The following DNAH12 variants were observed in gnomAD, a reference collection of about 807,000 sequenced individuals.
DNAH12 encodes the protein axonemal beta dynein heavy chain 12.
Under a neutral mutation model 371.5 loss-of-function variants are expected in DNAH12, and 285 were observed. The observed-to-expected ratio is 0.77, with a 90% CI of 0.70 to 0.85. DNAH12 has a LOEUF of 0.85. Ranked by LOEUF, DNAH12 falls within the 40% of genes least tolerant of loss-of-function variation. The pLI, the probability that DNAH12 is intolerant of heterozygous loss-of-function variation, is 0.00. For missense variants in DNAH12, 3,611 were observed against 3,689.4 expected, an observed-to-expected ratio of 0.98 and a Z score of 0.55; for synonymous variants, 1,200 against 1,213.0, an observed-to-expected ratio of 0.99 and a Z score of 0.22.
chr3:57,503,126 G>A (rs1216694916), intron 9 of DNAH12, among the ~76,000 whole-genome samples: 1 of 152,174 alleles, frequency 6.6e-6, no homozygotes, highest in Non-Finnish European at 1.5e-5. Context: ...AGTAGCACAT[G>A]CCTATTGTCC....
chr3:57,355,703 G>A (rs1459264186), intron 59 of DNAH12, among the ~76,000 whole-genome samples: 1 of 152,064 alleles, frequency 6.6e-6, no homozygotes, highest in Non-Finnish European at 1.5e-5. Context: ...ACATTTTTAT[G>A]TCAATTCTTT....
Position 57,429,736 on chromosome 3 carries a change from G to A in DNAH12, c.5019C>T (p.Pro1673=). ...TTGTTTCAAAGATGAGGCTCATTTG[G>A]GGGGACATCTGAATGATTTCTCCAC... ...LMSGEIIQMS[P]QMSLIFETMD... is the part of the protein sequence containing the mutation. The change falls in exon 33 of 74, where the codon CCC becomes CCT. Residue 1673 remains proline (P), a synonymous_variant. Transcript: ENST00000495027. 6.5e-7 allele frequency: 1 copy of A among 1,532,238 alleles called. No individual in the cohort carries two copies. The highest frequency in any genetic ancestry group is 8.8e-7 in the Non-Finnish European group (1 of 1,140,178). 94.9% of individuals were successfully genotyped at this position (1,532,238 alleles called of 1,614,324 possible). A position where few individuals can be genotyped will look rare whatever the true frequency, so the allele number is the denominator to read the frequency against.
At position 57,471,598 on chromosome 3, in the gene DNAH12, C is replaced by A; in HGVS notation, c.1785G>T (p.Glu595Asp). 6.5e-7 allele frequency: 1 copy of A among 1,531,664 alleles called. No homozygotes were observed. The highest frequency in any genetic ancestry group is 1.3e-5 in the South Asian group (1 of 79,828). 94.9% of individuals were successfully genotyped at this position (1,531,664 alleles called of 1,614,324 possible). A position where few individuals can be genotyped will look rare whatever the true frequency, so the allele number is the denominator to read the frequency against. The change falls in exon 15 of 74, where the codon GAG (glutamate) becomes GAT (aspartate). Residue 595 changes from glutamate (E) to aspartate (D), a missense_variant. By Grantham distance (45) the Glu-to-Asp change is conservative. Coordinates refer to ENST00000495027, the MANE Select transcript of DNAH12 (RefSeq NM_001366028.2). Reference sequence around the variant, plus strand: ...CATTTTCTTTTTTATGTTTAGCATTCTCAATTAGCTTTTTAAAAGACAATT... The same window carrying A: ...CATTTTCTTTTTTATGTTTAGCATTATCAATTAGCTTTTTAAAAGACAATT... Reference protein sequence around the residue: ...PIFDENDELIENAKHKKENEL... With the variant: ...PIFDENDELIDNAKHKKENEL...
Position 57,293,819 on chromosome 3 carries a change from T to C in DNAH12, c.11845A>G (p.Lys3949Glu), listed in dbSNP as rs374460116. The change falls in exon 74 of 74, where the codon AAG becomes GAG. Residue 3949 changes from lysine (K) to glutamate (E), a missense_variant. Lys to Glu is a moderately conservative substitution (Grantham distance 56, BLOSUM62 1). Transcript: ENST00000495027. ...TGACAAAGCAAAGCAACCCCGCGCTTGATCCAGTGCCGAGTAGGTTGGTCT... is the reference window on the plus strand; with the variant it reads ...TGACAAAGCAAAGCAACCCCGCGCTCGATCCAGTGCCGAGTAGGTTGGTCT... Reference protein sequence around the residue: ...KTDQPTRHWIKRGVALLCQLD... With the variant: ...KTDQPTRHWIERGVALLCQLD... 6.8e-5 allele frequency: 105 copies of C among 1,551,242 alleles called. No individual in the cohort carries two copies. In the African/African-American group the frequency reaches 1.2e-3, roughly 18 times the overall value.
chr3:57,530,948 C>A, intron 2 of DNAH12: 1 of 156,080 alleles, frequency 6.4e-6, no homozygotes, highest in South Asian at 1.8e-4. Flanking sequence ...GCACTTGTGC[C>A]AGTTGTCACG....
intron 35 of DNAH12, among the ~76,000 whole-genome samples, 178 bp from the exon 36 acceptor site, chr3:57,421,884 A>G (rs2064593081): frequency 7.1e-6 from 1 of 140,004 alleles, no homozygotes; most frequent in South Asian, 2.2e-4. Context: ...GACAATTTTT[A>G]TCAAAATGTT....
chr3:57,446,432 T>C (rs2065498810), intron 26 of DNAH12, 105 bp downstream of exon 26: 2 of 1,436,838 alleles, frequency 1.4e-6, no homozygotes, highest in Non-Finnish European at 1.8e-6. Flanking sequence ...CCAAGTAATA[T>C]TCAAACCACA....
chr3:57,530,715 G>C, intron 2 of DNAH12: 1 of 370,736 alleles, frequency 2.7e-6, no homozygotes, highest in Non-Finnish European at 5.1e-6. Flanking sequence ...TTTGTTATTG[G>C]ACACACTGTA....
At chr3:57,422,114 A>C (rs986864961) in intron 35 of DNAH12, among the ~76,000 whole-genome samples, 4 of 151,626 alleles carry the variant, frequency 2.6e-5, no homozygotes, top group Non-Finnish European at 4.4e-5. Flanking sequence ...GGGTTTTGCT[A>C]TGTTACCCAG....
chr3:57,317,848 A>T (rs2153283416), intron 65 of DNAH12, among the ~76,000 whole-genome samples: 1 of 152,192 alleles, frequency 6.6e-6, no homozygotes, highest in East Asian at 1.9e-4. Flanking sequence ...TTTTTTTGAA[A>T]ATAGCCATCC....
At chr3:57,543,206 G>A (rs2153404115) in intron 1 of DNAH12, among the ~76,000 whole-genome samples, 1 of 151,468 alleles carries the variant, frequency 6.6e-6, no homozygotes, top group East Asian at 1.9e-4. Context: ...AGCATTCTGG[G>A]TGCAAAATTT....
chr3:57,509,940 C>T (rs2067925085), intron 5 of DNAH12, among the ~76,000 whole-genome samples: 1 of 147,978 alleles, frequency 6.8e-6, no homozygotes, highest in South Asian at 2.1e-4. Context: ...TTATTGTACC[C>T]TTGAAAATTG....
At chr3:57,403,162 A>C in intron 43 of DNAH12, 147 bp downstream of exon 43, 2 of 803,614 alleles carry the variant, frequency 2.5e-6, no homozygotes, top group Non-Finnish European at 3.6e-6. Context: ...GACAGAACTC[A>C]ACACACACAG....
rs1268515074 is a variant in DNAH12 at position 57,359,559 on chromosome 3, C to CAA, written c.9361-2213_9361-2212dup. Among the ~76,000 whole-genome samples the CAA allele has an allele frequency of 2.8e-3, 198 of 71,824 alleles. 2 individuals are homozygous for CAA. Among genetic ancestry groups the CAA allele is most frequent in the Non-Finnish European group, 4.0e-3 (142 of 35,448 alleles). The allele number at this position is 71,824 out of a possible 152,430, so 47.1% of individuals were successfully genotyped here. A position where few individuals can be genotyped will look rare whatever the true frequency, so the allele number is the denominator to read the frequency against. Reference sequence around the variant, plus strand: ...GGGCAACAAGAGCGAAACTCCATCTCAAAAAAAAAAAAAAAAAAAAAGAAA... The same window carrying CAA: ...GGGCAACAAGAGCGAAACTCCATCTCAAAAAAAAAAAAAAAAAAAAAAAGAAA... On this transcript the variant is annotated intron_variant, in intron 58 of 73. Coordinates refer to ENST00000495027, the MANE Select transcript of DNAH12 (RefSeq NM_001366028.2).
At chr3:57,499,247 G>A (rs1249387231) in intron 11 of DNAH12, among the ~76,000 whole-genome samples, 2 of 152,052 alleles carry the variant, frequency 1.3e-5, no homozygotes, top group Non-Finnish European at 2.9e-5. Flanking sequence ...GTATAAGGAA[G>A]GTTTCTGAGG....
intron 23 of DNAH12, 134 bp downstream of exon 23, chr3:57,454,641 G>C: frequency 1.7e-6 from 2 of 1,206,892 alleles, no homozygotes; most frequent in Non-Finnish European, 2.3e-6. Flanking sequence ...AGGTTGAAGT[G>C]GGAGGATTTC....
intron 13 of DNAH12, among the ~76,000 whole-genome samples, chr3:57,476,564 A>AAAAGAATAAAAAAT (rs2066533379): frequency 6.7e-6 from 1 of 149,924 alleles, no homozygotes; most frequent in Non-Finnish European, 1.5e-5. Flanking sequence ...ACTCTGTCTC[A>AAAAGAATAAAAAAT]AAAAAATAAA....
the DNAH12 span, among the ~76,000 whole-genome samples, chr3:57,550,092 T>C: frequency 6.6e-6 from 1 of 152,002 alleles, no homozygotes; most frequent in Non-Finnish European, 1.5e-5. Flanking sequence ...GAAGATCTCT[T>C]GAGGCCAGGA....
intron 53 of DNAH12, among the ~76,000 whole-genome samples, chr3:57,376,380 T>A (rs953658052): frequency 6.6e-6 from 1 of 152,150 alleles, no homozygotes; most frequent in African/African-American, 2.4e-5. Flanking sequence ...TTAAGCTGTA[T>A]AGAAGCTGAC....
Sources: allele counts gnomAD v4.1 joint callset (sites outside exome capture counted in the v4.1 genomes callset), GRCh38; gene constraint gnomAD v4.1.1; transcripts MANE v1.5; gene names NCBI Gene and HGNC (gene_info 2026-07-23, HGNC 2026-07-21).